The following DGKA variants were observed in gnomAD, a reference collection of about 807,000 sequenced individuals.
DGKA encodes diacylglycerol kinase alpha.
DGKA carries 35 observed loss-of-function variants against 105.0 expected under a neutral mutation model. The observed-to-expected ratio is 0.33, with a 90% CI of 0.25 to 0.44. The LOEUF (loss-of-function observed/expected upper bound fraction) is 0.44, where lower values mean the gene tolerates loss of function less well. DGKA is among the 20% of genes least tolerant of loss of function. DGKA has a pLI of 1.00. For synonymous variants in DGKA, 296 were observed against 332.0 expected (o/e 0.89, Z 1.18); for missense variants, 665 against 915.0 (o/e 0.73, Z 3.53).
At chr12:55,927,534 G>A, upstream of DGKA, 2 of 729,492 alleles carry the variant, frequency 2.7e-6, no homozygotes, top group African/African-American at 1.8e-5. Flanking sequence ...GCGGCTTGGT[G>A]ACGTGGAGCA....
upstream of DGKA, chr12:55,927,686 G>A (rs1246489558): frequency 2.0e-6 from 3 of 1,538,118 alleles, no homozygotes. Context: ...AGACCCGCGG[G>A]AGGGGCGTGC....
Position 55,932,709 on chromosome 12 carries a change from GCACACACACACACACACACACACACA to G in DGKA, c.-82+1372_-82+1397del, listed in dbSNP as rs57799285. ...ACACCCTCTACACACACACACACAC[GCACACACACACACACACACACACACA>G]CACACAACCCCCTCAGCCAGGTGTA... On this transcript the variant is annotated intron_variant, in intron 1 of 23. Transcript: ENST00000331886. This position sits in a 1 kb window ranked among gnomAD's most constrained non-coding sequence, Gnocchi z 4.3. 2 of 498,966 alleles carry G rather than the reference GCACACACACACACACACACACACACA, an allele frequency of 4.0e-6. No homozygotes were observed. The highest frequency in any genetic ancestry group is 3.0e-5 in the Admixed American group (1 of 33,666). The allele number at this position is 498,966 out of a possible 1,614,324, so 30.9% of individuals were successfully genotyped here.
At chr12:55,936,341 T>C (rs1280996168) in intron 1 of DGKA, 82 bp from the exon 2 acceptor site, 1 of 1,389,036 alleles carries the variant, frequency 7.2e-7, no homozygotes, top group African/African-American at 1.5e-5. Context: ...ATAGTGGGAG[T>C]AGAGACAGAA....
At chr12:55,928,243 C>G, upstream of DGKA, 1 of 158,610 alleles carries the variant, frequency 6.3e-6, no homozygotes, top group Non-Finnish European at 1.4e-5. Flanking sequence ...ATAGCTTTTT[C>G]CTTATCAACC....
In DGKA at chr12:55,940,273, G is replaced by T; in HGVS notation, c.799-41G>T. On this transcript the variant is annotated intron_variant, in intron 10 of 23. Transcript: ENST00000331886. This position sits in a 1 kb window ranked among gnomAD's most constrained non-coding sequence, Gnocchi z 4.3. ...TCAGCCCCTCCCTCCCCTAGGTCCTGCTCAGACCCTGCCAGACAAGGAACT... is the reference window on the plus strand; with the variant it reads ...TCAGCCCCTCCCTCCCCTAGGTCCTTCTCAGACCCTGCCAGACAAGGAACT... 6.2e-7 allele frequency: 1 copy of T among 1,614,216 alleles called. No individual in the cohort carries two copies. Among genetic ancestry groups the T allele is most frequent in the East Asian group, 2.2e-5 (1 of 44,878 alleles).
At chr12:55,928,078 A>C (rs1883233176), upstream of DGKA, among the ~76,000 whole-genome samples, 1 of 152,170 alleles carries the variant, frequency 6.6e-6, no homozygotes, top group Admixed American at 6.5e-5. Context: ...CCTATTCTGC[A>C]GACGAACCCA....
chr12:55,941,703 C>A, intron 15 of DGKA, 119 bp downstream of exon 15: 3 of 1,079,450 alleles, frequency 2.8e-6, no homozygotes, highest in Non-Finnish European at 4.2e-6. Flanking sequence ...CCCCAAGAGG[C>A]CAGAATTCAG....
chr12:55,929,090 G>A (rs966845377), upstream of DGKA: 8 of 152,332 alleles, frequency 5.3e-5, no homozygotes, highest in African/African-American at 1.9e-4. Context: ...AGGTTGCAGT[G>A]AGCCAAGATC....
rs1178639730 is a variant in DGKA at position 55,939,195 on chromosome 12, G to A, written c.484G>A (p.Glu162Lys). ...DVSELRPILQ[E>K]MMKEIDYDGS... The stretch of plus-strand genomic sequence containing the variant: ...TCCACTCTGTGCTCAGATTCTTCAG[G>A]AGATGATGAAAGAGATTGACTATGA... Residue 162 changes from glutamate to lysine, a missense_variant, in exon 8 of 24, where the codon GAG becomes AAG. Glu to Lys is a moderately conservative substitution (Grantham distance 56). Around this residue, in one of 3 missense-constraint regions of DGKA, gnomAD observed 504 missense variants for 681.2 expected, o/e 0.74. Coordinates refer to ENST00000331886, the MANE Select transcript of DGKA (RefSeq NM_001345.5). 22 of 1,613,994 alleles carry A rather than the reference G, an allele frequency of 1.4e-5. No homozygotes were observed. Among genetic ancestry groups the A allele is most frequent in the Non-Finnish European group, 1.9e-5 (22 of 1,180,004 alleles).
In DGKA at chr12:55,953,706, C is replaced by A. The variant is rs1888625846; in HGVS notation, c.2146C>A (p.Gln716Lys). Residue 716 changes from glutamine to lysine, a missense_variant, in exon 24 of 24, where the codon CAG becomes AAG. By Grantham distance (53) the Gln-to-Lys change is moderately conservative. Coordinates refer to ENST00000331886, the MANE Select transcript of DGKA (RefSeq NM_001345.5). ...CCAGATCAAGATCACCCACAAGAAC[C>A]AGATGCCCATGCTCATGGGCCCACC... Reference protein sequence around the residue: ...PCTIKITHKNQMPMLMGPPPR... With the variant: ...PCTIKITHKNKMPMLMGPPPR... 1 of 1,614,160 alleles carries A rather than the reference C, an allele frequency of 6.2e-7. No individual in the cohort carries two copies. The highest frequency in any genetic ancestry group is 8.5e-7 in the Non-Finnish European group (1 of 1,180,026).
Position 55,937,960 on chromosome 12 carries a change from CTGCT to C in DGKA, c.275-16_275-13del, listed in dbSNP as rs754620812. The C allele has an allele frequency of 6.2e-7, 1 of 1,613,024 alleles. No homozygotes were observed. Among genetic ancestry groups the C allele is most frequent in the Non-Finnish European group, 8.5e-7 (1 of 1,179,392 alleles). ...AGTGGAGGGAGCCCTGACTTCTGATCTGCTTTTTTGTAACCAGATGTGGTGTGTC... is the reference window on the plus strand; with the variant it reads ...AGTGGAGGGAGCCCTGACTTCTGATCTTTTTGTAACCAGATGTGGTGTGTC... On this transcript the variant is annotated splice_polypyrimidine_tract_variant and intron_variant, in intron 4 of 23. Transcript: ENST00000331886.
Position 55,938,368 on chromosome 12 carries a change from T to G in DGKA, c.350-143T>G. ...TCCATGCCTGTTTTCCTTTCCTTTTTGTCTCTCTCTCAGTCCCATCCCAGG... is the reference window on the plus strand; with the variant it reads ...TCCATGCCTGTTTTCCTTTCCTTTTGGTCTCTCTCTCAGTCCCATCCCAGG... On this transcript the variant is annotated intron_variant, in intron 5 of 23. Coordinates refer to ENST00000331886, the MANE Select transcript of DGKA (RefSeq NM_001345.5). The G allele has an allele frequency of 2.9e-6, 3 of 1,031,550 alleles. No homozygotes were observed. In the Admixed American group the frequency reaches 6.5e-5, roughly 22 times the overall value. The allele number at this position is 1,031,550 out of a possible 1,614,324, so 63.9% of individuals were successfully genotyped here. A position where few individuals can be genotyped will look rare whatever the true frequency, so the allele number is the denominator to read the frequency against.
In DGKA at chr12:55,947,403, T is replaced by C. The variant is rs534421135; in HGVS notation, c.1427-4220T>C. 4.6e-5 allele frequency among the ~76,000 whole-genome samples: 7 copies of C among 152,314 alleles called. No homozygotes were observed. The East Asian group carries it at 1.3e-3, about 29-fold the overall frequency. Reference sequence around the variant, plus strand: ...CCAAGAAAGTGAAAGCTCCCTATAATCTATGCCCTACAGTTTTGGGGGCTG... The same window carrying C: ...CCAAGAAAGTGAAAGCTCCCTATAACCTATGCCCTACAGTTTTGGGGGCTG... On this transcript the variant is annotated intron_variant, in intron 17 of 23. Coordinates refer to ENST00000331886, the MANE Select transcript of DGKA (RefSeq NM_001345.5).
Position 55,953,800 on chromosome 12 carries a change from G to A in DGKA, c.*32G>A, listed in dbSNP as rs1297015716. The A allele has an allele frequency of 6.3e-7, 1 of 1,591,306 alleles. No individual in the cohort carries two copies. Among genetic ancestry groups the A allele is most frequent in the African/African-American group, 1.3e-5 (1 of 74,436 alleles). On this transcript the variant is annotated 3_prime_UTR_variant, in exon 24 of 24. Transcript: ENST00000331886. ...CACCCTTGGCCTCCAAGCCAGCCTT[G>A]AACCCACCTCCCTGTCCCTGGACTC... is the stretch of plus-strand genomic sequence containing the variant.
In DGKA at chr12:55,953,410, A is replaced by C; in HGVS notation, c.2124A>C (p.Thr708=). The C allele has an allele frequency of 6.2e-7, 1 of 1,614,116 alleles. No homozygotes were observed. The highest frequency in any genetic ancestry group is 8.5e-7 in the Non-Finnish European group (1 of 1,180,010). ...DGEPWMQTPC[T]IKITHKNQMP... ...AACCCTGGATGCAGACGCCCTGTAC[A>C]GTGAGTATTGACGATCCCAGCCAAA... Residue 708 remains threonine, a splice_region_variant and synonymous_variant, in exon 23 of 24, where the codon ACA becomes ACC. Transcript: ENST00000331886.
intron 18 of DGKA, 119 bp downstream of exon 18, chr12:55,951,902 G>A (rs923346788): frequency 1.3e-6 from 2 of 1,497,354 alleles, no homozygotes; most frequent in African/African-American, 2.8e-5. Context: ...AATTGGGAGT[G>A]CAGTACAGTG....
chr12:55,946,393 A>T (rs1205323077), intron 17 of DGKA, among the ~76,000 whole-genome samples: 1 of 151,078 alleles, frequency 6.6e-6, no homozygotes, highest in Non-Finnish European at 1.5e-5. Flanking sequence ...GTCTCACTCC[A>T]TCGCACAGGC....
chr12:55,947,213 G>A (rs1887225073), intron 17 of DGKA, among the ~76,000 whole-genome samples: 1 of 152,064 alleles, frequency 6.6e-6, no homozygotes, highest in African/African-American at 2.4e-5. Flanking sequence ...TCGAACTCCT[G>A]ACCTCAGGTG....
chr12:55,940,734 G>C lies in DGKA; in HGVS notation c.1017+12G>C. ...ATCCCAGTGTCCTGGTGAGACCCTC[G>C]GCAGCAGCGGGGAGGGGACAGGAGT... On this transcript the variant is annotated intron_variant, in intron 12 of 23. Transcript: ENST00000331886. The surrounding 1 kb of genome is among the most constrained non-coding windows in gnomAD (Gnocchi z 4.3). The C allele has an allele frequency of 6.2e-7, 1 of 1,612,448 alleles. No homozygotes were observed. The highest frequency in any genetic ancestry group is 1.3e-5 in the African/African-American group (1 of 74,902).
Sources: gnomAD v4.1 joint callset for allele counts (sites outside exome capture counted in the v4.1 genomes callset) on GRCh38, gnomAD v4.1.1 for gene constraint, gnomAD v4.1.1 regional missense constraint, Gnocchi (gnomAD v3.1) non-coding constraint, MANE v1.5 for transcripts, NCBI Gene and HGNC (gene_info 2026-07-23, HGNC 2026-07-21) for gene names.